LRRC8D: variants seen among roughly 807,000 people sequenced by gnomAD.
The protein encoded by LRRC8D is volume-regulated anion channel subunit LRRC8D.
In LRRC8D, 20 loss-of-function variants were observed where a neutral mutation model predicts 55.8. The observed-to-expected ratio is 0.36, with a 90% CI of 0.25 to 0.52. LRRC8D has a LOEUF of 0.52. LRRC8D is among the 20% of genes least tolerant of loss of function. LRRC8D has a pLI of 0.93. For synonymous variants in LRRC8D, 352 were observed against 377.0 expected (o/e 0.93, Z 0.77); for missense variants, 651 against 1,030.8 (o/e 0.63, Z 5.05).
At chr1:89,860,799 T>TATAC (rs1661698719) in intron 2 of LRRC8D, among the ~76,000 whole-genome samples, 1 of 117,018 alleles carries the variant, frequency 8.5e-6, no homozygotes, top group South Asian at 2.9e-4. Flanking sequence ...TATATATATA[T>TATAC]ATATATATAT....
intron 2 of LRRC8D, among the ~76,000 whole-genome samples, chr1:89,915,352 G>A (rs960852832): frequency 2.0e-5 from 3 of 152,158 alleles, no homozygotes; most frequent in Non-Finnish European, 4.4e-5. Flanking sequence ...GTTGTAACAT[G>A]TTGTATATAA....
intron 1 of LRRC8D, among the ~76,000 whole-genome samples, chr1:89,840,838 A>G (rs1170678610): frequency 6.6e-6 from 1 of 152,254 alleles, no homozygotes; most frequent in Non-Finnish European, 1.5e-5. Context: ...TTTTCTTAAG[A>G]ATTTAAATAT....
intron 2 of LRRC8D, among the ~76,000 whole-genome samples, chr1:89,925,411 A>G (rs1663533264): frequency 6.6e-6 from 1 of 152,152 alleles, no homozygotes; most frequent in African/African-American, 2.4e-5. Flanking sequence ...AATGTGATGC[A>G]CTTGAGTTAG....
chr1:89,934,042 A>C lies in LRRC8D; in HGVS notation c.974A>C (p.Tyr325Ser). ...KTAKFIFILC[Y>S]TANFVNAISF... Reference sequence around the variant, plus strand: ...GCCAAGTTCATTTTTATTCTCTGCTATACAGCGAACTTTGTCAACGCAATC... The same window carrying C: ...GCCAAGTTCATTTTTATTCTCTGCTCTACAGCGAACTTTGTCAACGCAATC... The change falls in exon 3 of 3, where the codon TAT becomes TCT. Residue 325 changes from tyrosine (Y) to serine (S), a missense_variant. This residue lies in a region of LRRC8D where 178 missense variants were observed against 374.9 expected (regional missense o/e 0.47). Coordinates refer to ENST00000337338, the MANE Select transcript of LRRC8D (RefSeq NM_001134479.2). The surrounding 1 kb of genome is among the most constrained non-coding windows in gnomAD (Gnocchi z 5.9). 1 of 1,614,226 alleles carries C rather than the reference A, an allele frequency of 6.2e-7. No homozygotes were observed.
chr1:89,930,064 A>C (rs1014795563), intron 2 of LRRC8D, among the ~76,000 whole-genome samples: 9 of 152,158 alleles, frequency 5.9e-5, no homozygotes, highest in African/African-American at 2.2e-4. Context: ...TTCATCCCAA[A>C]ACCATCTCTC....
At chr1:89,917,624 C>T (rs922469908) in intron 2 of LRRC8D, among the ~76,000 whole-genome samples, 6 of 152,082 alleles carry the variant, frequency 3.9e-5, no homozygotes, top group Non-Finnish European at 5.9e-5. Context: ...CCTTCCATCA[C>T]GATTTCCTCA....
At chr1:89,895,784 CTT>C (rs1163653765) in intron 2 of LRRC8D, among the ~76,000 whole-genome samples, 3 of 152,044 alleles carry the variant, frequency 2.0e-5, no homozygotes, top group African/African-American at 4.8e-5. Flanking sequence ...TTAGTAATCT[CTT>C]TATCATGTTT....
chr1:89,827,473 A>AT (rs1381167718), intron 1 of LRRC8D, among the ~76,000 whole-genome samples: 13 of 152,162 alleles, frequency 8.5e-5, no homozygotes, highest in Non-Finnish European at 1.9e-4. Context: ...TGGAATGACC[A>AT]TTGTAATGAT....
intron 2 of LRRC8D, among the ~76,000 whole-genome samples, chr1:89,887,913 G>A (rs963328554): frequency 7.9e-5 from 12 of 152,210 alleles, no homozygotes; most frequent in African/African-American, 2.9e-4. Context: ...AGGTTTCTTA[G>A]AAGAGGGGTG....
At position 89,853,721 on chromosome 1, in the gene LRRC8D, T is replaced by C. The variant is rs187072781; in HGVS notation, c.-3+9939T>C. Among the ~76,000 whole-genome samples the C allele has an allele frequency of 7.4e-4, 112 of 152,172 alleles. 1 individual carries two copies. Among genetic ancestry groups the C allele is most frequent in the African/African-American group, 2.4e-3 (98 of 41,522 alleles). On this transcript the variant is annotated intron_variant, in intron 2 of 2. Coordinates refer to ENST00000337338, the MANE Select transcript of LRRC8D (RefSeq NM_001134479.2). The stretch of plus-strand genomic sequence containing the variant: ...ACAGAAGGGTCCGGTAGAGTGAAGA[T>C]TGAATATAGGAGATTGGATCTGACA...
chr1:89,877,323 TA>T (rs1464734264), intron 2 of LRRC8D, among the ~76,000 whole-genome samples: 1 of 152,190 alleles, frequency 6.6e-6, no homozygotes, highest in African/African-American at 2.4e-5. Flanking sequence ...TCAAGTTACT[TA>T]GCTTCTCTCT....
intron 2 of LRRC8D, among the ~76,000 whole-genome samples, chr1:89,926,014 C>T (rs534245517): frequency 2.9e-4 from 44 of 152,362 alleles, no homozygotes; most frequent in Admixed American, 1.2e-3. Context: ...GTTTCTCTAA[C>T]GCATCATTTA....
intron 2 of LRRC8D, among the ~76,000 whole-genome samples, chr1:89,909,586 G>T (rs1663079035): frequency 6.6e-6 from 1 of 152,068 alleles, no homozygotes; most frequent in South Asian, 2.1e-4. Flanking sequence ...ATTTAGTAGG[G>T]CCAGGCACGG....
At chr1:89,827,732 CTGTCAG>C (rs1660797300) in intron 1 of LRRC8D, among the ~76,000 whole-genome samples, 1 of 152,190 alleles carries the variant, frequency 6.6e-6, no homozygotes, top group African/African-American at 2.4e-5. Context: ...CTCCGGTACT[CTGTCAG>C]TGTGGTTAGG....
At chr1:89,923,438 G>T (rs1663473796) in intron 2 of LRRC8D, among the ~76,000 whole-genome samples, 1 of 152,178 alleles carries the variant, frequency 6.6e-6, no homozygotes, top group African/African-American at 2.4e-5. Context: ...GAAACCAGGT[G>T]CTGATCCCTT....
chr1:89,932,181 C>G (rs138947003), intron 2 of LRRC8D, among the ~76,000 whole-genome samples: 6 of 152,128 alleles, frequency 3.9e-5, no homozygotes, highest in Non-Finnish European at 5.9e-5. Flanking sequence ...TTCCTGGCAC[C>G]GGGGCTTCAT....
In LRRC8D at chr1:89,936,272, TG is replaced by T. The variant is rs775254109; in HGVS notation, c.*628del. On this transcript the variant is annotated 3_prime_UTR_variant, in exon 3 of 3. Transcript: ENST00000337338. ...GAGGTATGTGGATTTTTAGGGGTTT[TG>T]TTTTTTTAAGAATAAGTAACAAGAA... The T allele has an allele frequency of 4.2e-5, 7 of 167,118 alleles. No homozygotes were observed. The highest frequency in any genetic ancestry group is 7.3e-5 in the Non-Finnish European group (5 of 68,130). 10.4% of individuals were successfully genotyped at this position (167,118 alleles called of 1,614,324 possible).
At chr1:89,877,158 G>C (rs775184893) in intron 2 of LRRC8D, among the ~76,000 whole-genome samples, 1 of 152,152 alleles carries the variant, frequency 6.6e-6, no homozygotes, top group Non-Finnish European at 1.5e-5. Context: ...TGGAAAGAGG[G>C]AGTCTAAGGA....
intron 2 of LRRC8D, among the ~76,000 whole-genome samples, chr1:89,909,108 C>A (rs1171324988): frequency 6.6e-6 from 1 of 151,970 alleles, no homozygotes. Context: ...TTCAGTTTTT[C>A]AACAACAATA....
Sources: allele counts gnomAD v4.1 joint callset (sites outside exome capture counted in the v4.1 genomes callset), GRCh38; gene constraint gnomAD v4.1.1; regional missense constraint gnomAD v4.1.1; non-coding constraint Gnocchi (gnomAD v3.1); transcripts MANE v1.5; gene names NCBI Gene and HGNC (gene_info 2026-07-23, HGNC 2026-07-21).